Variants in FNDC1 observed in about 807,000 individuals in gnomAD.
FNDC1 encodes the protein fibronectin type III domain containing 1, also known as fibronectin type III domain-containing protein 1.
Under a neutral mutation model 168.0 loss-of-function variants are expected in FNDC1, and 96 were observed. The ratio of observed to expected loss-of-function variants is 0.57; its 90% CI spans 0.48 to 0.68. The LOEUF is 0.68. Among genes scored for constraint, FNDC1 ranks in the 30% least tolerant of loss-of-function variants. The pLI, the probability that FNDC1 is intolerant of heterozygous loss-of-function variation, is 0.00. For missense variants in FNDC1, 2,587 were observed against 2,482.1 expected (o/e 1.04, Z -0.90); for synonymous variants, 1,099 against 1,025.9 (o/e 1.07, Z -1.36).
At chr6:159,188,368 T>A (rs553016312) in intron 1 of FNDC1, among the ~76,000 whole-genome samples, 15 of 111,444 alleles carry the variant, frequency 1.3e-4, no homozygotes, top group African/African-American at 7.8e-4. Flanking sequence ...TCAATTTCTT[T>A]CTTTTTTTTT....
intron 5 of FNDC1, among the ~76,000 whole-genome samples, chr6:159,216,656 C>T (rs572301696): frequency 4.9e-4 from 75 of 152,322 alleles, no homozygotes; most frequent in Non-Finnish European, 7.9e-4. Flanking sequence ...CTCTGCCCCT[C>T]GTGGGGAAAC....
chr6:159,188,840 C>T (rs1223772695), intron 1 of FNDC1, among the ~76,000 whole-genome samples: 8 of 151,568 alleles, frequency 5.3e-5, no homozygotes, highest in Non-Finnish European at 1.2e-4. Flanking sequence ...CTCCGCCTCC[C>T]AGGTTCAAGC....
Position 159,200,540 on chromosome 6 carries a change from T to A in FNDC1, c.419T>A (p.Phe140Tyr). ...PGGEWIEIDG[F>Y]PIKGPGPFNE... ...GGTGAATGGATCGAGATTGATGGTT[T>A]TCCCATTAAGGGTCCAGGACCATTT... Residue 140 changes from phenylalanine (F) to tyrosine (Y), a missense_variant, in exon 4 of 23, where the codon TTT (phenylalanine) becomes TAT (tyrosine). By Grantham distance (22) the Phe-to-Tyr change is conservative. Transcript: ENST00000297267. 1 of 1,600,714 alleles carries A rather than the reference T, an allele frequency of 6.2e-7. No individual in the cohort carries two copies. The highest frequency in any genetic ancestry group is 8.5e-7 in the Non-Finnish European group (1 of 1,173,046).
In FNDC1 at chr6:159,251,490, A is replaced by G. The variant is rs750247850; in HGVS notation, c.5023A>G (p.Ile1675Val). The G allele has an allele frequency of 1.2e-6, 2 of 1,613,744 alleles. No individual in the cohort carries two copies. The highest frequency in any genetic ancestry group is 2.2e-5 in the East Asian group (1 of 44,884). ...CGTGGAAGGTTGCCACTCATTTGTC[A>G]TTGTGGACTGGGACAAAGCCACCCC... ...VAVEGCHSFV[I>V]VDWDKATPGD... Residue 1675 changes from isoleucine to valine, a missense_variant, in exon 17 of 23, where the codon ATT (isoleucine) becomes GTT (valine). By Grantham distance (29) the Ile-to-Val change is conservative. Transcript: ENST00000297267.
intron 4 of FNDC1, among the ~76,000 whole-genome samples, chr6:159,202,700 T>C (rs1782405255): frequency 6.6e-6 from 1 of 152,258 alleles, no homozygotes; most frequent in Non-Finnish European, 1.5e-5. Context: ...AACTGAATTG[T>C]CTTTACCTAA....
intron 20 of FNDC1, among the ~76,000 whole-genome samples, chr6:159,265,421 T>C (rs1396796156): frequency 6.6e-6 from 1 of 152,200 alleles, no homozygotes; most frequent in Non-Finnish European, 1.5e-5. Context: ...GTGGAGTCTA[T>C]GCAGAGGGAC....
intron 4 of FNDC1, among the ~76,000 whole-genome samples, chr6:159,209,246 C>T (rs958692582): frequency 4.6e-5 from 7 of 152,208 alleles, no homozygotes; most frequent in East Asian, 1.9e-4. Flanking sequence ...TGAATTTCCA[C>T]GCTCCAGGCT....
At chr6:159,223,051 A>G (rs9456381) in intron 6 of FNDC1, among the ~76,000 whole-genome samples, 57,723 of 141,064 alleles carry the variant, frequency 0.41, 14,256 homozygotes, top group East Asian at 0.74. Context: ...GCTGGAGTGC[A>G]GTGGCATGAT....
chr6:159,232,001 C>T lies in FNDC1; in HGVS notation c.1489C>T (p.Pro497Ser). Residue 497 changes from proline to serine, a missense_variant, in exon 11 of 23, where the codon CCC (proline) becomes TCC (serine). Transcript: ENST00000297267. This position sits in a 1 kb window ranked among gnomAD's most constrained non-coding sequence, Gnocchi z 4.9. ...SSQHPSVPAS[P>S]QGRNAKDLLL... ...CCAACACCCCTCTGTGCCTGCTTCT[C>T]CCCAAGGGAGAAATGCCAAGGACCT... 1.2e-6 allele frequency: 2 copies of T among 1,613,962 alleles called. No homozygotes were observed. Among genetic ancestry groups the T allele is most frequent in the Non-Finnish European group, 1.7e-6 (2 of 1,179,886 alleles).
chr6:159,218,286 C>T (rs1191853922), intron 5 of FNDC1: 2 of 152,278 alleles, frequency 1.3e-5, no homozygotes, highest in African/African-American at 2.4e-5. Flanking sequence ...GACCTGAGAT[C>T]GGGGTGGGCT....
At position 159,169,731 on chromosome 6, in the gene FNDC1, C is replaced by A; in HGVS notation, c.109+26C>A. 1 of 952,102 alleles carries A rather than the reference C, an allele frequency of 1.1e-6. No homozygotes were observed. The highest frequency in any genetic ancestry group is 1.3e-6 in the Non-Finnish European group (1 of 756,474). The allele number at this position is 952,102 out of a possible 1,614,324, so 59.0% of individuals were successfully genotyped here. ...GTACGCGCCGCGCCCGGGCCCCCGG[C>A]GCTCCTCAGCTCCCCGCGCACCCTC... On this transcript the variant is annotated intron_variant, in intron 1 of 22. Transcript: ENST00000297267. The surrounding 1 kb of genome is among the most constrained non-coding windows in gnomAD (Gnocchi z 6.8).
At chr6:159,194,315 T>G (rs1393986698) in intron 1 of FNDC1, among the ~76,000 whole-genome samples, 1 of 152,230 alleles carries the variant, frequency 6.6e-6, no homozygotes, top group Admixed American at 6.5e-5. Flanking sequence ...TTGATTCCTG[T>G]TGAATTGATG....
intron 21 of FNDC1, among the ~76,000 whole-genome samples, chr6:159,266,661 A>G (rs998244412): frequency 4.2e-5 from 6 of 142,634 alleles, no homozygotes; most frequent in Non-Finnish European, 9.0e-5. Flanking sequence ...TCATTCCAAA[A>G]TTCTATTAGA....
chr6:159,191,948 G>A (rs1782150863), intron 1 of FNDC1, among the ~76,000 whole-genome samples: 1 of 152,060 alleles, frequency 6.6e-6, no homozygotes, highest in Non-Finnish European at 1.5e-5. Flanking sequence ...ATAGCTCACT[G>A]CATCCTGCCC....
chr6:159,229,531 T>TG (rs1783036505), intron 9 of FNDC1, among the ~76,000 whole-genome samples: 2 of 152,156 alleles, frequency 1.3e-5, no homozygotes, highest in South Asian at 4.1e-4. Context: ...TGTGTAAATT[T>TG]GGGGGGAATT....
chr6:159,259,023 C>G (rs1251958849), intron 18 of FNDC1, among the ~76,000 whole-genome samples: 1 of 152,150 alleles, frequency 6.6e-6, no homozygotes, highest in Non-Finnish European at 1.5e-5. Context: ...CAGACAGAGT[C>G]CCAAAGAACT....
chr6:159,233,370 A>G lies in FNDC1; in HGVS notation c.2858A>G (p.Gln953Arg). ...SSLASKAQDV[Q>R]QSTDADTEGH... ...CTGGCCTCCAAGGCTCAGGATGTTC[A>G]ACAGAGCACAGACGCGGACACGGAG... The change falls in exon 11 of 23, where the codon CAA becomes CGA. Residue 953 changes from glutamine (Q) to arginine (R), a missense_variant. Physicochemically the swap from Gln to Arg is conservative, Grantham distance 43 (BLOSUM62 1). Coordinates refer to ENST00000297267, the MANE Select transcript of FNDC1 (RefSeq NM_032532.3). This position sits in a 1 kb window ranked among gnomAD's most constrained non-coding sequence, Gnocchi z 4.6. 1 of 1,613,872 alleles carries G rather than the reference A, an allele frequency of 6.2e-7. No individual in the cohort carries two copies. The highest frequency in any genetic ancestry group is 8.5e-7 in the Non-Finnish European group (1 of 1,179,844).
chr6:159,225,455 T>C (rs1439957546), intron 7 of FNDC1, 80 bp from the exon 8 acceptor site: 5 of 1,171,274 alleles, frequency 4.3e-6, no homozygotes, highest in African/African-American at 1.5e-5. Flanking sequence ...TCATCACTTA[T>C]GAGGAAGGAA....
intron 1 of FNDC1, among the ~76,000 whole-genome samples, chr6:159,186,036 G>C (rs1263844973): frequency 6.6e-6 from 1 of 152,178 alleles, no homozygotes; most frequent in Non-Finnish European, 1.5e-5. Context: ...GAGGGATAAG[G>C]GAGATTTATT....
Sources: gnomAD v4.1 joint callset for allele counts (sites outside exome capture counted in the v4.1 genomes callset) on GRCh38, gnomAD v4.1.1 for gene constraint, Gnocchi (gnomAD v3.1) non-coding constraint, MANE v1.5 for transcripts, NCBI Gene and HGNC (gene_info 2026-07-23, HGNC 2026-07-21) for gene names.